GPATCH2L: variants seen among roughly 807,000 people sequenced by gnomAD.
GPATCH2L encodes the protein G patch domain-containing protein 2-like.
GPATCH2L carries 31 observed loss-of-function variants against 57.4 expected under a neutral mutation model. The ratio of observed to expected loss-of-function variants is 0.54; its 90% CI spans 0.41 to 0.73. The LOEUF (loss-of-function observed/expected upper bound fraction) is 0.73. Ranked by LOEUF, GPATCH2L falls within the 30% of genes least tolerant of loss-of-function variation. GPATCH2L has a pLI of 0.00. For missense variants in GPATCH2L, 481 were observed against 599.9 expected (o/e 0.80, Z 2.07); for synonymous variants, 199 against 210.7 (o/e 0.94, Z 0.48).
chr14:76,166,473 G>T (rs1038221270), intron 2 of GPATCH2L, among the ~76,000 whole-genome samples, 190 bp from the exon 3 acceptor site: 5 of 152,148 alleles, frequency 3.3e-5, no homozygotes, highest in Admixed American at 2.6e-4. Flanking sequence ...GAAAATTTTA[G>T]AATTCTCCTC....
intron 3 of GPATCH2L, among the ~76,000 whole-genome samples, chr14:76,169,749 A>G (rs970325387): frequency 1.3e-5 from 2 of 152,258 alleles, no homozygotes; most frequent in Non-Finnish European, 2.9e-5. Flanking sequence ...TACTATTTCA[A>G]TAAATGGCCT....
intron 7 of GPATCH2L, 22 bp from the exon 8 acceptor site, chr14:76,180,742 A>C: frequency 6.6e-7 from 1 of 1,510,490 alleles, no homozygotes; most frequent in Non-Finnish European, 9.2e-7. Flanking sequence ...CCTTACTAAA[A>C]TAGTCTTATT....
At chr14:76,178,242 T>C (rs1419174856) in intron 7 of GPATCH2L, 200 bp downstream of exon 7, 1 of 1,504,510 alleles carries the variant, frequency 6.6e-7, no homozygotes, top group South Asian at 1.2e-5. Context: ...AGAATGAATC[T>C]GATTTGCATA....
intron 2 of GPATCH2L, among the ~76,000 whole-genome samples, chr14:76,231,616 A>AACACATAC (rs1555384992): frequency 6.2e-5 from 2 of 32,354 alleles, no homozygotes; most frequent in Admixed American, 3.7e-4. Context: ...TTAGAAACTA[A>AACACATAC]ACACATACAC....
intron 2 of GPATCH2L, among the ~76,000 whole-genome samples, chr14:76,165,213 G>T (rs1467759256): frequency 6.6e-6 from 1 of 152,072 alleles, no homozygotes; most frequent in African/African-American, 2.4e-5. Flanking sequence ...TAGGGTTTGG[G>T]CTGGGTGCGG....
chr14:76,179,663 C>T (rs2039480960), intron 7 of GPATCH2L: 1 of 152,148 alleles, frequency 6.6e-6, no homozygotes. Context: ...AGTTATCATT[C>T]CGGGTTCTTC....
intron 8 of GPATCH2L, among the ~76,000 whole-genome samples, chr14:76,187,952 A>G (rs1299685088): frequency 1.3e-5 from 2 of 152,128 alleles, no homozygotes; most frequent in East Asian, 3.8e-4. Flanking sequence ...TCCCACAAAT[A>G]AGTGAGAACA....
At position 76,155,013 on chromosome 14, in the gene GPATCH2L, ACAT is replaced by A; in HGVS notation, c.651_653del (p.Asn217_Met218delinsLys). On this transcript the variant is annotated inframe_deletion, in exon 2 of 10. Transcript: ENST00000261530. ...GAACAAAAACAGGGCTCTGATGAGA[ACAT>A]GTCAGAATGGTGAGATCTCCCTTAC... 6.2e-7 allele frequency: 1 copy of A among 1,610,298 alleles called. No individual in the cohort carries two copies. The highest frequency in any genetic ancestry group is 8.5e-7 in the Non-Finnish European group (1 of 1,178,888).
chr14:76,185,133 G>A (rs993343395), intron 8 of GPATCH2L, among the ~76,000 whole-genome samples: 2 of 152,150 alleles, frequency 1.3e-5, no homozygotes, highest in African/African-American at 2.4e-5. Flanking sequence ...ATGGATCAGG[G>A]GCAGAGTTTT....
At chr14:76,165,077 CTG>C (rs1173292613) in intron 2 of GPATCH2L, among the ~76,000 whole-genome samples, 1 of 152,210 alleles carries the variant, frequency 6.6e-6, no homozygotes, top group Non-Finnish European at 1.5e-5. Context: ...TACACTAACT[CTG>C]TTGTTTCAGT....
intron 9 of GPATCH2L, among the ~76,000 whole-genome samples, chr14:76,201,172 A>G (rs902544328): frequency 6.6e-6 from 1 of 152,188 alleles, no homozygotes; most frequent in African/African-American, 2.4e-5. Flanking sequence ...ACACTGCCCT[A>G]TCGGAGGCAT....
At chr14:76,157,897 T>C (rs1212383710) in intron 2 of GPATCH2L, among the ~76,000 whole-genome samples, 1 of 152,210 alleles carries the variant, frequency 6.6e-6, no homozygotes, top group Admixed American at 6.5e-5. Context: ...TAGTAGTTTT[T>C]TTCTGCTTGC....
At chr14:76,220,046 C>T (rs111392810) in intron 1 of GPATCH2L, among the ~76,000 whole-genome samples, 3,374 of 152,216 alleles carry the variant, frequency 0.022, 76 homozygotes, top group South Asian at 0.077. Flanking sequence ...CCTGGCTCCA[C>T]GTTGTCAGGG....
intron 6 of GPATCH2L, among the ~76,000 whole-genome samples, chr14:76,176,999 G>A (rs1427682452): frequency 6.6e-6 from 1 of 150,426 alleles, no homozygotes; most frequent in African/African-American, 2.5e-5. Flanking sequence ...ATGGATGATT[G>A]CCTCTATCCT....
At chr14:76,168,716 C>G (rs983370260) in intron 3 of GPATCH2L, among the ~76,000 whole-genome samples, 3 of 152,126 alleles carry the variant, frequency 2.0e-5, no homozygotes, top group Non-Finnish European at 4.4e-5. Flanking sequence ...TATGACCAAG[C>G]CCAGAGTCAG....
chr14:76,176,663 A>T lies in GPATCH2L; in HGVS notation c.1025A>T (p.His342Leu), dbSNP rs751112415. The change falls in exon 6 of 10, where the codon CAT becomes CTT. Residue 342 changes from histidine to leucine, a missense_variant. This residue lies in a region of GPATCH2L where 248 missense variants were observed against 270.5 expected (regional missense o/e 0.92). Coordinates refer to ENST00000261530, the MANE Select transcript of GPATCH2L (RefSeq NM_017926.4). ...INTLGTERIS[H>L]IISDPRQKEK... ...ACTTTGGGGACTGAGAGGATAAGCCATATCATTAGTGACCCTCGGCAGAAA... is the reference window on the plus strand; with the variant it reads ...ACTTTGGGGACTGAGAGGATAAGCCTTATCATTAGTGACCCTCGGCAGAAA... 3.1e-6 allele frequency: 5 copies of T among 1,611,346 alleles called. No individual in the cohort carries two copies.
At chr14:76,176,593 A>T in intron 5 of GPATCH2L, 30 bp from the exon 6 acceptor site, 1 of 1,476,990 alleles carries the variant, frequency 6.8e-7, no homozygotes, top group African/African-American at 1.4e-5. Context: ...CTGTGGTTGG[A>T]TGATACTCTT....
chr14:76,180,767 A>C lies in GPATCH2L; in HGVS notation c.1111A>C (p.Asn371His). The change falls in exon 8 of 10, where the codon AAT becomes CAT. Residue 371 changes from asparagine (N) to histidine (H), a missense_variant. This residue lies in a region of GPATCH2L where 248 missense variants were observed against 270.5 expected (regional missense o/e 0.92). Transcript: ENST00000261530. ...ATAGTCTTATTCATTCCTGCAGTTC[A>C]ATCCCCTGTCTCCCCTTTACTCCCT... ...PHISACAHEF[N>H]PLSPLYSLDV... The C allele has an allele frequency of 6.2e-7, 1 of 1,607,560 alleles. No individual in the cohort carries two copies. Among genetic ancestry groups the C allele is most frequent in the Non-Finnish European group, 8.5e-7 (1 of 1,174,014 alleles).
intron 5 of GPATCH2L, chr14:76,175,229 A>G (rs1326637347): frequency 1.3e-5 from 2 of 152,178 alleles, no homozygotes; most frequent in African/African-American, 2.4e-5. Context: ...GTTTCCCTTT[A>G]GCTTGCCTGG....
Sources: allele counts gnomAD v4.1 joint callset (sites outside exome capture counted in the v4.1 genomes callset), GRCh38; gene constraint gnomAD v4.1.1; regional missense constraint gnomAD v4.1.1; transcripts MANE v1.5; gene names NCBI Gene and HGNC (gene_info 2026-07-23, HGNC 2026-07-21).